DEAF1: variants seen among roughly 807,000 people sequenced by gnomAD.
The protein encoded by DEAF1 is DEAF1 transcription factor.
A neutral mutation model predicts 58.9 loss-of-function variants in DEAF1; 53 were observed. That is an observed-to-expected ratio of 0.90 (90% CI 0.72 to 1.13). The LOEUF is 1.13. Among genes scored for constraint, DEAF1 ranks in the 50% most tolerant of loss-of-function variants. The pLI, the probability that DEAF1 is intolerant of heterozygous loss-of-function variation, is 0.00. For synonymous variants in DEAF1, 385 were observed against 340.4 expected, an observed-to-expected ratio of 1.13 and a Z score of -1.44; for missense variants, 685 against 791.4, an observed-to-expected ratio of 0.87 and a Z score of 1.61.
upstream of DEAF1, chr11:698,842 C>G: frequency 6.2e-7 from 1 of 1,614,132 alleles, no homozygotes; most frequent in Non-Finnish European, 8.5e-7. Flanking sequence ...GCTGTCAGGC[C>G]TTGCTCACGG....
rs933020768 is a variant in DEAF1 at position 688,143 on chromosome 11, G to C, written c.518-86C>G. 9.5e-6 allele frequency: 15 copies of C among 1,587,166 alleles called. No individual in the cohort carries two copies. The African/African-American group carries it at 1.2e-4, about 13-fold the overall frequency. ...CATCTCAGACACCACCTCCCCGGCA[G>C]CGCCACCTCCTTCAACGGCGGAAAA... On this transcript the variant is annotated intron_variant, in intron 3 of 11. Transcript: ENST00000382409. The surrounding 1 kb of genome is among the most constrained non-coding windows in gnomAD (Gnocchi z 4.3).
Position 690,305 on chromosome 11 carries a change from G to GCA in DEAF1, c.387+1195_387+1196insTG, listed in dbSNP as rs1860775896. On this transcript the variant is annotated intron_variant, in intron 2 of 11. Coordinates refer to ENST00000382409, the MANE Select transcript of DEAF1 (RefSeq NM_021008.4). The stretch of plus-strand genomic sequence containing the variant: ...GCAGGGGAGGGCAGGGGAGGGGAGG[G>GCA]GAGGAGAGGGCAGGGGAGGGCAGGG... Among the ~76,000 whole-genome samples the GCA allele has an allele frequency of 4.8e-4, 5 of 10,430 alleles. 1 individual carries two copies. The highest frequency in any genetic ancestry group is 1.9e-3 in the African/African-American group (5 of 2,578). 6.8% of individuals were successfully genotyped at this position (10,430 alleles called of 152,430 possible). A position where few individuals can be genotyped will look rare whatever the true frequency, so the allele number is the denominator to read the frequency against.
chr11:654,007 G>C lies in DEAF1; in HGVS notation c.1548C>G (p.Thr516=). 3.1e-6 allele frequency: 5 copies of C among 1,613,814 alleles called. No individual in the cohort carries two copies. Among genetic ancestry groups the C allele is most frequent in the Non-Finnish European group, 4.2e-6 (5 of 1,179,962 alleles). Residue 516 remains threonine, a synonymous_variant, in exon 11 of 12, where the codon ACC becomes ACG. Transcript: ENST00000382409. ...NCGREAMSEC[T]GCHKVNYCST... is the part of the protein sequence containing the mutation. The stretch of plus-strand genomic sequence containing the variant: ...AGCAGTAGTTGACCTTGTGGCAGCC[G>C]GTGCACTCGCTCATAGCCTCCCGGC...
intron 1 of DEAF1, among the ~76,000 whole-genome samples, chr11:692,929 CCT>C (rs1860897123): frequency 6.6e-6 from 1 of 152,148 alleles, no homozygotes; most frequent in African/African-American, 2.4e-5. Context: ...CTCATCCTCG[CCT>C]CTCAGCACCA....
At chr11:662,528 C>T (rs1231765213) in intron 10 of DEAF1, among the ~76,000 whole-genome samples, 1 of 152,196 alleles carries the variant, frequency 6.6e-6, no homozygotes, top group East Asian at 1.9e-4. Flanking sequence ...ACCTCCGACT[C>T]CCGCCCAGCC....
chr11:672,415 C>T (rs1158480884), intron 10 of DEAF1, among the ~76,000 whole-genome samples: 1 of 151,962 alleles, frequency 6.6e-6, no homozygotes, highest in East Asian at 1.9e-4. Context: ...TCATTATGTG[C>T]TTGTCTAGTA....
rs1382207392 is a variant in DEAF1 at position 688,685 on chromosome 11, T to C, written c.388-225A>G. On this transcript the variant is annotated intron_variant, in intron 2 of 11. Transcript: ENST00000382409. The surrounding 1 kb of genome is among the most constrained non-coding windows in gnomAD (Gnocchi z 4.3). Reference sequence around the variant, plus strand: ...GAAGTCTGTGTGGTGCTGAGGAAAATGCTTGCCATCATTTGTCAAAGGGAA... The same window carrying C: ...GAAGTCTGTGTGGTGCTGAGGAAAACGCTTGCCATCATTTGTCAAAGGGAA... 1.3e-5 allele frequency among the ~76,000 whole-genome samples: 2 copies of C among 152,046 alleles called. No homozygotes were observed. The highest frequency in any genetic ancestry group is 2.9e-5 in the Non-Finnish European group (2 of 68,004).
rs1858401100 is a variant in DEAF1, at chr11:644,740, G to A, written c.1594-86C>T. On this transcript the variant is annotated intron_variant, in intron 11 of 11. Coordinates refer to ENST00000382409, the MANE Select transcript of DEAF1 (RefSeq NM_021008.4). This position sits in a 1 kb window ranked among gnomAD's most constrained non-coding sequence, Gnocchi z 4.3. ...GTCCCCAAGGCAGACCCCAGAGGGT[G>A]CAGCCCTCTGTAACCTCACCTGGAG... 1.9e-6 allele frequency: 2 copies of A among 1,062,244 alleles called. No homozygotes were observed. Among genetic ancestry groups the A allele is most frequent in the Non-Finnish European group, 1.4e-6 (1 of 712,668 alleles). The allele number at this position is 1,062,244 out of a possible 1,614,324, so 65.8% of individuals were successfully genotyped here. A position where few individuals can be genotyped will look rare whatever the true frequency, so the allele number is the denominator to read the frequency against.
intron 1 of DEAF1, among the ~76,000 whole-genome samples, chr11:692,013 C>T (rs1193233707): frequency 1.3e-5 from 2 of 152,168 alleles, no homozygotes; most frequent in Non-Finnish European, 2.9e-5. Flanking sequence ...CCTGGACCCA[C>T]TCTTGTAGCT....
intron 6 of DEAF1, 100 bp downstream of exon 6, chr11:684,798 G>C (rs73404997): frequency 0.013 from 13,243 of 1,011,852 alleles, 202 homozygotes; most frequent in African/African-American, 0.067. Context: ...CCAAGGCAGA[G>C]GGCAGGAGGG....
chr11:647,347 A>C (rs1283551950), intron 11 of DEAF1, among the ~76,000 whole-genome samples: 2 of 151,784 alleles, frequency 1.3e-5, no homozygotes, highest in Non-Finnish European at 1.5e-5. Flanking sequence ...CCCAGCTACT[A>C]GGGAGGCTGA....
chr11:672,619 G>A (rs1293742259), intron 10 of DEAF1, among the ~76,000 whole-genome samples: 3 of 152,178 alleles, frequency 2.0e-5, no homozygotes, highest in Admixed American at 6.5e-5. Flanking sequence ...GACTGAGGTG[G>A]GTGAATCACC....
chr11:704,896 C>T (rs569031354), intron 1 of DEAF1: 2 of 355,848 alleles, frequency 5.6e-6, no homozygotes, highest in South Asian at 4.2e-5. Flanking sequence ...GCTCTGCCTC[C>T]AGGAAGGGTG....
At chr11:667,610 G>A (rs1475530500) in intron 10 of DEAF1, among the ~76,000 whole-genome samples, 4 of 150,758 alleles carry the variant, frequency 2.7e-5, no homozygotes, top group Admixed American at 6.6e-5. Context: ...GTTCAAGACC[G>A]GTCTGGCCAA....
intron 10 of DEAF1, among the ~76,000 whole-genome samples, chr11:669,125 CTTTTTTTTT>C (rs36167071): frequency 9.3e-6 from 1 of 107,812 alleles, no homozygotes; most frequent in African/African-American, 3.5e-5. Flanking sequence ...GCACCCGACC[CTTTTTTTTT>C]TTTTTTTTTT....
At chr11:670,526 CCAACATG>C (rs1404728761) in intron 10 of DEAF1, among the ~76,000 whole-genome samples, 2 of 151,460 alleles carry the variant, frequency 1.3e-5, no homozygotes, top group Non-Finnish European at 2.9e-5. Context: ...ACCAGCCTCG[CCAACATG>C]GCGAAACCTC....
intron 1 of DEAF1, among the ~76,000 whole-genome samples, chr11:702,293 G>C (rs1240645341): frequency 1.3e-5 from 2 of 152,278 alleles, no homozygotes; most frequent in African/African-American, 2.4e-5. Context: ...GGCGGGCACT[G>C]CTGGGAGGGT....
chr11:647,758 TAAAAG>T (rs1008858603), intron 11 of DEAF1, among the ~76,000 whole-genome samples: 35 of 152,248 alleles, frequency 2.3e-4, no homozygotes, highest in Admixed American at 5.9e-4. Flanking sequence ...AGTTAAGGAT[TAAAAG>T]AAAAGTGTTG....
intron 2 of DEAF1, among the ~76,000 whole-genome samples, chr11:690,484 C>CCTAT: frequency 6.6e-6 from 1 of 152,050 alleles, no homozygotes; most frequent in East Asian, 1.9e-4. Flanking sequence ...GTGGCTCACA[C>CCTAT]CTATAATCCT....
Sources: allele counts gnomAD v4.1 joint callset (sites outside exome capture counted in the v4.1 genomes callset), GRCh38; gene constraint gnomAD v4.1.1; non-coding constraint Gnocchi (gnomAD v3.1); transcripts MANE v1.5; gene names NCBI Gene and HGNC (gene_info 2026-07-23, HGNC 2026-07-21).